VPS13D: variants seen among roughly 807,000 people sequenced by gnomAD.
VPS13D encodes the protein vacuolar protein sorting 13 homolog D, also known as intermembrane lipid transfer protein VPS13D.
VPS13D carries 187 observed loss-of-function variants against 461.9 expected under a neutral mutation model. That is an observed-to-expected ratio of 0.40 (90% CI 0.36 to 0.46). The LOEUF is 0.46. Ranked by LOEUF, VPS13D falls within the 20% of genes least tolerant of loss-of-function variation. The pLI is 0.60. For synonymous variants in VPS13D, 1,951 were observed against 1,986.3 expected (o/e 0.98, Z 0.47); for missense variants, 4,711 against 5,364.9 (o/e 0.88, Z 3.81).
At chr1:12,300,781 G>A (rs996142133) in intron 25 of VPS13D, among the ~76,000 whole-genome samples, 9 of 152,132 alleles carry the variant, frequency 5.9e-5, no homozygotes, top group African/African-American at 2.2e-4. Context: ...GGTCCGATTA[G>A]TCCCCCTTCA....
intron 46 of VPS13D, among the ~76,000 whole-genome samples, chr1:12,351,435 C>T (rs1352043249): frequency 2.6e-5 from 4 of 151,894 alleles, no homozygotes; most frequent in Admixed American, 6.6e-5. Context: ...GGATTACAGG[C>T]GCCTGCCACC....
chr1:12,400,235 C>G lies in VPS13D; in HGVS notation c.11689C>G (p.Leu3897Val). The change falls in exon 61 of 70, where the codon CTG becomes GTG. Residue 3897 changes from leucine to valine, a missense_variant. This residue lies in a region of VPS13D where 4,411 missense variants were observed against 4,937.8 expected (regional missense o/e 0.89). Transcript: ENST00000620676. ...GCCCTTCATGCTCTATGTGACTCCCCTGAGCAATGAGAATGAGGTCATCGA... is the reference window on the plus strand; with the variant it reads ...GCCCTTCATGCTCTATGTGACTCCCGTGAGCAATGAGAATGAGGTCATCGA... ...TQPFMLYVTP[L>V]SNENEVIETG... The G allele has an allele frequency of 2.5e-6, 4 of 1,614,156 alleles. No homozygotes were observed. The highest frequency in any genetic ancestry group is 3.4e-6 in the Non-Finnish European group (4 of 1,180,030).
chr1:12,246,978 G>C (rs947273414), intron 5 of VPS13D, among the ~76,000 whole-genome samples: 2 of 152,100 alleles, frequency 1.3e-5, no homozygotes, highest in Non-Finnish European at 2.9e-5. Flanking sequence ...GTTTTCAGTT[G>C]TCTCAAATAG....
intron 32 of VPS13D, among the ~76,000 whole-genome samples, chr1:12,321,105 T>TTC (rs368782098): frequency 1.3e-5 from 2 of 152,044 alleles, no homozygotes; most frequent in African/African-American, 2.4e-5. Context: ...CTGGAGTCCT[T>TTC]TCTCTCTCTC....
At chr1:12,413,320 T>TA (rs1183997013) in intron 63 of VPS13D, among the ~76,000 whole-genome samples, 7,949 of 137,642 alleles carry the variant, frequency 0.058, 650 homozygotes, top group African/African-American at 0.19. Context: ...CTCTCCAAAA[T>TA]AAAAAAAAAA....
intron 49 of VPS13D, among the ~76,000 whole-genome samples, chr1:12,356,998 G>C (rs1304193360): frequency 6.6e-6 from 1 of 152,146 alleles, no homozygotes; most frequent in Non-Finnish European, 1.5e-5. Context: ...GCCATTTTAT[G>C]GTCTCAGAGC....
chr1:12,244,221 A>C, intron 3 of VPS13D, 25 bp from the exon 4 acceptor site: 1 of 1,593,018 alleles, frequency 6.3e-7, no homozygotes, highest in South Asian at 1.1e-5. Flanking sequence ...ACAGATGGTG[A>C]ACAAGACTTT....
At chr1:12,496,566 G>T (rs903669917) in intron 67 of VPS13D, among the ~76,000 whole-genome samples, 5 of 152,212 alleles carry the variant, frequency 3.3e-5, no homozygotes, top group Non-Finnish European at 5.9e-5. Flanking sequence ...GGAGTGTTTT[G>T]CTTCAGTGAG....
At chr1:12,321,270 A>G (rs1171684877) in intron 32 of VPS13D, among the ~76,000 whole-genome samples, 4 of 152,188 alleles carry the variant, frequency 2.6e-5, no homozygotes, top group Non-Finnish European at 5.9e-5. Context: ...TTATGAAGAT[A>G]TTGTGAGGAG....
chr1:12,387,023 C>T (rs114778405), intron 60 of VPS13D, among the ~76,000 whole-genome samples: 122 of 152,222 alleles, frequency 8.0e-4, no homozygotes, highest in Non-Finnish European at 1.3e-3. Flanking sequence ...ATCTATAGAC[C>T]GTCCCTCTTG....
At chr1:12,290,320 T>C (rs1642089546) in intron 22 of VPS13D, among the ~76,000 whole-genome samples, 2 of 152,216 alleles carry the variant, frequency 1.3e-5, no homozygotes, top group South Asian at 2.1e-4. Context: ...TCCTTTATTC[T>C]TTTATCCAGA....
At chr1:12,312,129 A>G (rs1642769484) in intron 29 of VPS13D, among the ~76,000 whole-genome samples, 1 of 152,248 alleles carries the variant, frequency 6.6e-6, no homozygotes, top group Admixed American at 6.5e-5. Flanking sequence ...GTTATGCTGT[A>G]GTAACAGACA....
intron 57 of VPS13D, among the ~76,000 whole-genome samples, chr1:12,381,512 C>T (rs1179915987): frequency 1.3e-5 from 2 of 152,180 alleles, no homozygotes; most frequent in Non-Finnish European, 2.9e-5. Flanking sequence ...AGAAGGACTC[C>T]GTACTTCTAT....
intron 5 of VPS13D, among the ~76,000 whole-genome samples, chr1:12,246,877 A>C (rs773981733): frequency 6.6e-6 from 1 of 152,204 alleles, no homozygotes; most frequent in East Asian, 1.9e-4. Flanking sequence ...TTATTCATTC[A>C]TGAGTTGCTG....
At chr1:12,338,686 C>G (rs571262123) in intron 40 of VPS13D, among the ~76,000 whole-genome samples, 182 of 152,236 alleles carry the variant, frequency 1.2e-3, no homozygotes, top group African/African-American at 4.0e-3. Flanking sequence ...TGAAAATTCT[C>G]ATGGGAAGGC....
chr1:12,398,938 T>A (rs1198480002), intron 60 of VPS13D, among the ~76,000 whole-genome samples: 1 of 152,148 alleles, frequency 6.6e-6, no homozygotes, highest in African/African-American at 2.4e-5. Context: ...TGACCAGCAG[T>A]GTGACCTGAA....
At chr1:12,416,914 G>A in intron 65 of VPS13D, 87 bp downstream of exon 65, 1 of 1,387,568 alleles carries the variant, frequency 7.2e-7, no homozygotes, top group Non-Finnish European at 9.6e-7. Flanking sequence ...AATGGGCTGT[G>A]AAAAGTTATA....
At chr1:12,441,271 A>G (rs1557440967) in intron 65 of VPS13D, among the ~76,000 whole-genome samples, 1 of 152,184 alleles carries the variant, frequency 6.6e-6, no homozygotes, top group Non-Finnish European at 1.5e-5. Context: ...TGTCATTTGT[A>G]TGAAATGGGG....
At chr1:12,305,382 C>T (rs759746849) in intron 26 of VPS13D, among the ~76,000 whole-genome samples, 5 of 152,104 alleles carry the variant, frequency 3.3e-5, no homozygotes, top group Non-Finnish European at 7.3e-5. Context: ...TCACTCGATC[C>T]TCCCACCTCA....
Sources: allele counts gnomAD v4.1 joint callset (sites outside exome capture counted in the v4.1 genomes callset), GRCh38; gene constraint gnomAD v4.1.1; regional missense constraint gnomAD v4.1.1; transcripts MANE v1.5; gene names NCBI Gene and HGNC (gene_info 2026-07-23, HGNC 2026-07-21).